Variants in KCNJ1 observed in about 807,000 individuals in gnomAD.
KCNJ1 encodes the protein potassium inwardly rectifying channel subfamily J member 1, also known as ATP-sensitive inward rectifier potassium channel 1.
A neutral mutation model predicts 21.9 loss-of-function variants in KCNJ1; 24 were observed. That is an observed-to-expected ratio of 1.10 (90% CI 0.79 to 1.54). The LOEUF is 1.54. KCNJ1 is among the 40% of genes most tolerant of loss of function. The pLI is 0.00. For synonymous variants in KCNJ1, 152 were observed against 160.9 expected, an observed-to-expected ratio of 0.94 and a Z score of 0.42; for missense variants, 457 against 455.4, an observed-to-expected ratio of 1.00 and a Z score of -0.03.
intron 2 of KCNJ1, among the ~76,000 whole-genome samples, chr11:128,847,307 T>C (rs1943398637): frequency 6.6e-6 from 1 of 152,210 alleles, no homozygotes; most frequent in African/African-American, 2.4e-5. Flanking sequence ...TACAGGGTAC[T>C]ACTGGTGCTT....
intron 1 of KCNJ1, among the ~76,000 whole-genome samples, chr11:128,860,746 T>C: frequency 6.6e-6 from 1 of 152,114 alleles, no homozygotes; most frequent in Non-Finnish European, 1.5e-5. Flanking sequence ...CTCAGAAAAG[T>C]GGAGGCCAGG....
chr11:128,858,267 A>G (rs1359846097), intron 1 of KCNJ1, among the ~76,000 whole-genome samples: 3 of 151,974 alleles, frequency 2.0e-5, no homozygotes, highest in Non-Finnish European at 1.5e-5. Flanking sequence ...AATGCATGCT[A>G]CAGACCAAGC....
At chr11:128,852,285 A>C (rs1014516143) in intron 1 of KCNJ1, among the ~76,000 whole-genome samples, 2 of 152,158 alleles carry the variant, frequency 1.3e-5, no homozygotes, top group Non-Finnish European at 2.9e-5. Context: ...TCTTGTCCCT[A>C]TCTGTGAGGC....
intron 1 of KCNJ1, among the ~76,000 whole-genome samples, chr11:128,863,936 A>G (rs1213298295): frequency 6.6e-6 from 1 of 152,120 alleles, no homozygotes; most frequent in Admixed American, 6.5e-5. Context: ...GACACTTTGC[A>G]CATCCTTCAC....
At position 128,839,128 on chromosome 11, in the gene KCNJ1, C is replaced by T. The variant is rs141900128; in HGVS notation, c.1116G>A (p.Met372Ile). The change falls in exon 3 of 3, where the codon ATG becomes ATA. Residue 372 changes from methionine (M) to isoleucine (I), a missense_variant. By Grantham distance (10) the Met-to-Ile change is conservative. Coordinates refer to ENST00000392666, the MANE Select transcript of KCNJ1 (RefSeq NM_153766.3). ...SEVNETDDTKM is the reference protein window; with the variant it reads ...SEVNETDDTKI ...TACTCCCGTTGAAAAGCCACTGTTA[C>T]ATTTTGGTGTCATCTGTTTCATTGA... is the stretch of plus-strand genomic sequence containing the variant. The T allele has an allele frequency of 2.5e-5, 41 of 1,613,398 alleles. No homozygotes were observed. In the African/African-American group the frequency reaches 4.9e-4, roughly 19 times the overall value.
chr11:128,857,192 T>C (rs766182134), intron 1 of KCNJ1, among the ~76,000 whole-genome samples: 6 of 152,212 alleles, frequency 3.9e-5, no homozygotes, highest in Non-Finnish European at 7.3e-5. Flanking sequence ...CATGTCTGGC[T>C]GCTCCATGTC....
chr11:128,859,128 C>T (rs1943649364), intron 1 of KCNJ1, among the ~76,000 whole-genome samples: 1 of 152,188 alleles, frequency 6.6e-6, no homozygotes, highest in Admixed American at 6.5e-5. Flanking sequence ...GTGGTAGGGG[C>T]TTGGCAGAAA....
At chr11:128,847,952 T>C (rs981140346) in intron 2 of KCNJ1, among the ~76,000 whole-genome samples, 1 of 150,740 alleles carries the variant, frequency 6.6e-6, no homozygotes, top group African/African-American at 2.4e-5. Flanking sequence ...CACTGCATCC[T>C]CGACCTCCTG....
Position 128,848,603 on chromosome 11 carries a change from C to T in KCNJ1, c.-22+2118G>A, listed in dbSNP as rs1245282506. Among the ~76,000 whole-genome samples the T allele has an allele frequency of 2.6e-5, 4 of 152,186 alleles. No individual in the cohort carries two copies. The East Asian group carries it at 7.7e-4, about 29-fold the overall frequency. On this transcript the variant is annotated intron_variant, in intron 2 of 2. Transcript: ENST00000392666. Reference sequence around the variant, plus strand: ...AGAAAGACCAAAAGAAGCACTTGATCCCTGCCCTGTTCAGAGTTTTAAAGA... The same window carrying T: ...AGAAAGACCAAAAGAAGCACTTGATTCCTGCCCTGTTCAGAGTTTTAAAGA...
chr11:128,854,388 C>T (rs543263817), intron 1 of KCNJ1, among the ~76,000 whole-genome samples: 9 of 152,236 alleles, frequency 5.9e-5, no homozygotes, highest in Non-Finnish European at 1.2e-4. Flanking sequence ...TGAGCCAGCC[C>T]CTCCAGAGAC....
At chr11:128,854,166 G>A (rs1565528093) in intron 1 of KCNJ1, among the ~76,000 whole-genome samples, 1 of 152,218 alleles carries the variant, frequency 6.6e-6, no homozygotes, top group Non-Finnish European at 1.5e-5. Context: ...GGGCAGGTCT[G>A]TGGGATGGGA....
At chr11:128,842,327 T>C (rs1379326040) in intron 2 of KCNJ1, 3 of 1,595,870 alleles carry the variant, frequency 1.9e-6, no homozygotes, top group Non-Finnish European at 2.6e-6. Context: ...GCATTAATGA[T>C]GAAACATTAT....
chr11:128,854,103 G>A (rs1217146478), intron 1 of KCNJ1, among the ~76,000 whole-genome samples: 3 of 135,290 alleles, frequency 2.2e-5, no homozygotes, highest in Non-Finnish European at 3.0e-5. Context: ...GTTTGGTTAC[G>A]ATCCTGGGTT....
chr11:128,844,569 A>C (rs1487340285), intron 2 of KCNJ1, among the ~76,000 whole-genome samples: 2 of 152,184 alleles, frequency 1.3e-5, no homozygotes, highest in African/African-American at 2.4e-5. Context: ...ATTTTTATGC[A>C]ACATCTACTT....
At chr11:128,847,730 G>C (rs556479701) in intron 2 of KCNJ1, among the ~76,000 whole-genome samples, 2 of 152,344 alleles carry the variant, frequency 1.3e-5, no homozygotes, top group South Asian at 4.1e-4. Context: ...AGTGAAGCCT[G>C]AACCCGGGCA....
Position 128,838,478 on chromosome 11 carries a change from A to G in KCNJ1, c.*647T>C, listed in dbSNP as rs1363557193. Reference sequence around the variant, plus strand: ...CCTTTAAGCCATCCAATACAGATTGAAAGAAATATCATCACCACTTTTAAC... The same window carrying G: ...CCTTTAAGCCATCCAATACAGATTGGAAGAAATATCATCACCACTTTTAAC... On this transcript the variant is annotated 3_prime_UTR_variant, in exon 3 of 3. Coordinates refer to ENST00000392666, the MANE Select transcript of KCNJ1 (RefSeq NM_153766.3). 1.3e-5 allele frequency: 2 copies of G among 153,548 alleles called. No homozygotes were observed. The highest frequency in any genetic ancestry group is 2.9e-5 in the Non-Finnish European group (2 of 69,050). The allele number at this position is 153,548 out of a possible 1,614,324, so 9.5% of individuals were successfully genotyped here.
intron 1 of KCNJ1, among the ~76,000 whole-genome samples, chr11:128,863,863 T>A (rs912968102): frequency 6.6e-6 from 1 of 152,148 alleles, no homozygotes; most frequent in Non-Finnish European, 1.5e-5. Context: ...GTTTCATGTG[T>A]AAGAGCATCG....
chr11:128,863,880 T>C (rs975846774), intron 1 of KCNJ1, among the ~76,000 whole-genome samples: 1 of 152,118 alleles, frequency 6.6e-6, no homozygotes, highest in African/African-American at 2.4e-5. Context: ...ATCGTTCTTT[T>C]TTCCGTTTGC....
At chr11:128,866,529 A>G (rs1943818518) in intron 1 of KCNJ1, 21 of 975,964 alleles carry the variant, frequency 2.2e-5, no homozygotes, top group Admixed American at 1.2e-4. Flanking sequence ...ATACCTGTTC[A>G]GAGCAGAGAT....
Sources: allele counts gnomAD v4.1 joint callset (sites outside exome capture counted in the v4.1 genomes callset), GRCh38; gene constraint gnomAD v4.1.1; transcripts MANE v1.5; gene names NCBI Gene and HGNC (gene_info 2026-07-23, HGNC 2026-07-21).